Variants in MYCBP2 observed in about 807,000 individuals in gnomAD.
The protein encoded by MYCBP2 is E3 ubiquitin-protein ligase MYCBP2.
MYCBP2 carries 120 observed loss-of-function variants against 525.3 expected under a neutral mutation model. The ratio of observed to expected loss-of-function variants is 0.23; its 90% CI spans 0.20 to 0.27. The LOEUF is 0.27. MYCBP2 is among the 10% of genes least tolerant of loss of function. The pLI is 1.00. For missense variants in MYCBP2, 4,149 were observed against 5,657.1 expected (o/e 0.73, Z 8.55); for synonymous variants, 1,894 against 1,955.8 (o/e 0.97, Z 0.83).
chr13:77,125,150 T>C (rs2154165249), intron 54 of MYCBP2, among the ~76,000 whole-genome samples, 186 bp downstream of exon 54: 1 of 152,364 alleles, frequency 6.6e-6, no homozygotes, highest in East Asian at 1.9e-4. Context: ...TCTTCTTTAA[T>C]GTGCATTAAG....
intron 32 of MYCBP2, among the ~76,000 whole-genome samples, chr13:77,184,395 T>G (rs1411517046): frequency 2.0e-5 from 3 of 152,244 alleles, no homozygotes; most frequent in Non-Finnish European, 4.4e-5. Context: ...CATTTTATGG[T>G]CTAGCATATG....
In MYCBP2 at chr13:77,326,949, TCCC is replaced by T; in HGVS notation, c.-177_-175del. The stretch of plus-strand genomic sequence containing the variant: ...CTTCTCCTCCTCCTTCTTCTCCTCC[TCCC>T]CCCCGCGCCGCCCTCGCCGCTACTG... On this transcript the variant is annotated 5_prime_UTR_variant, in exon 1 of 83. Coordinates refer to ENST00000544440, the MANE Select transcript of MYCBP2 (RefSeq NM_015057.5). This position sits in a 1 kb window ranked among gnomAD's most constrained non-coding sequence, Gnocchi z 4.2. 1 of 521,618 alleles carries T rather than the reference TCCC, an allele frequency of 1.9e-6. No individual in the cohort carries two copies. The highest frequency in any genetic ancestry group is 3.0e-6 in the Non-Finnish European group (1 of 331,848). 32.3% of individuals were successfully genotyped at this position (521,618 alleles called of 1,614,324 possible).
At chr13:77,197,830 C>G (rs1217314749) in intron 26 of MYCBP2, among the ~76,000 whole-genome samples, 2 of 152,082 alleles carry the variant, frequency 1.3e-5, no homozygotes, top group South Asian at 4.1e-4. Context: ...AGGCCTTAGC[C>G]CACTCACTGG....
At chr13:77,296,360 T>A (rs549948930) in intron 2 of MYCBP2, among the ~76,000 whole-genome samples, 7 of 150,446 alleles carry the variant, frequency 4.7e-5, no homozygotes, top group African/African-American at 1.7e-4. Flanking sequence ...ACTACTGGAC[T>A]CCAGCCTGGG....
At chr13:77,144,921 C>T (rs1468948611) in intron 48 of MYCBP2, among the ~76,000 whole-genome samples, 1 of 152,186 alleles carries the variant, frequency 6.6e-6, no homozygotes, top group African/African-American at 2.4e-5. Flanking sequence ...TAGTCCCTCC[C>T]CTTGTGCTGT....
intron 26 of MYCBP2, among the ~76,000 whole-genome samples, chr13:77,196,499 G>C (rs1254826146): frequency 1.3e-5 from 2 of 152,210 alleles, no homozygotes; most frequent in East Asian, 1.9e-4. Flanking sequence ...AATGGCTGTG[G>C]CATGACCCAA....
chr13:77,174,210 CAATTT>C, intron 37 of MYCBP2, 96 bp downstream of exon 37: 2 of 1,023,300 alleles, frequency 2.0e-6, no homozygotes, highest in Non-Finnish European at 1.4e-6. Flanking sequence ...ATACACTGTA[CAATTT>C]AATTATAAGT....
chr13:77,227,343 T>TAAA (rs548646689), intron 18 of MYCBP2, among the ~76,000 whole-genome samples: 3 of 85,334 alleles, frequency 3.5e-5, no homozygotes, highest in Non-Finnish European at 7.6e-5. Flanking sequence ...ATGGATGGAC[T>TAAA]AAAAAAAAAA....
At chr13:77,295,876 C>G (rs948492761) in intron 2 of MYCBP2, among the ~76,000 whole-genome samples, 10 of 152,204 alleles carry the variant, frequency 6.6e-5, no homozygotes, top group Middle Eastern at 3.4e-3. Flanking sequence ...TACCAACAGT[C>G]AAAAGAGGCT....
intron 1 of MYCBP2, among the ~76,000 whole-genome samples, chr13:77,304,053 G>C (rs1053367514): frequency 2.1e-4 from 32 of 152,158 alleles, no homozygotes; most frequent in Non-Finnish European, 4.4e-5. Context: ...TACAACCATT[G>C]TGGAAAATAG....
chr13:77,219,520 G>A (rs955331111), intron 20 of MYCBP2, among the ~76,000 whole-genome samples: 1 of 151,646 alleles, frequency 6.6e-6, no homozygotes, highest in African/African-American at 2.4e-5. Context: ...AAATAAAGAC[G>A]CTAAAGACAA....
At chr13:77,119,905 T>C (rs2050394991) in intron 55 of MYCBP2, among the ~76,000 whole-genome samples, 1 of 152,206 alleles carries the variant, frequency 6.6e-6, no homozygotes, top group South Asian at 2.1e-4. Flanking sequence ...CATGCTATTT[T>C]TGAACGATAT....
Position 77,315,815 on chromosome 13 carries a change from A to G in MYCBP2, c.302+10659T>C, listed in dbSNP as rs2080860043. Among the ~76,000 whole-genome samples, 3 of 150,806 alleles carry G rather than the reference A, an allele frequency of 2.0e-5. No homozygotes were observed. In the South Asian group the frequency reaches 6.3e-4, roughly 32 times the overall value. On this transcript the variant is annotated intron_variant, in intron 1 of 82. Transcript: ENST00000544440. ...GAAGCTGAGGCAGGAGACTTGCTGG[A>G]TCCCGGGAGGCAGAGGCTTCAGTGA...
intron 3 of MYCBP2, among the ~76,000 whole-genome samples, chr13:77,283,968 G>C (rs1292783372): frequency 6.6e-6 from 1 of 152,162 alleles, no homozygotes; most frequent in East Asian, 1.9e-4. Context: ...AGAGGATGTA[G>C]ATTTTAGTGA....
In MYCBP2 at chr13:77,177,890, T is replaced by C. The variant is rs776865497; in HGVS notation, c.5198A>G (p.Gln1733Arg). 1 of 1,613,912 alleles carries C rather than the reference T, an allele frequency of 6.2e-7. No homozygotes were observed. Among genetic ancestry groups the C allele is most frequent in the Non-Finnish European group, 8.5e-7 (1 of 1,179,750 alleles). Reference protein sequence around the residue: ...ASANRFTKTSQGRSWNTGNGS... With the variant: ...ASANRFTKTSRGRSWNTGNGS... ...GTTCCCAGTGTTCCAACTTCTGCCCTGACTTGTTTTTGTAAATCGGTTAGC... is the reference window on the plus strand; with the variant it reads ...GTTCCCAGTGTTCCAACTTCTGCCCCGACTTGTTTTTGTAAATCGGTTAGC... Residue 1733 changes from glutamine to arginine, a missense_variant, in exon 35 of 83, where the codon CAG becomes CGG. This residue lies in a region of MYCBP2 where 54 missense variants were observed against 117.0 expected (regional missense o/e 0.46). Coordinates refer to ENST00000544440, the MANE Select transcript of MYCBP2 (RefSeq NM_015057.5).
intron 62 of MYCBP2, among the ~76,000 whole-genome samples, chr13:77,083,406 T>C (rs550640221): frequency 2.6e-4 from 39 of 152,270 alleles, no homozygotes; most frequent in African/African-American, 9.1e-4. Context: ...AAAATCAGCA[T>C]GCAAATGAAT....
intron 55 of MYCBP2, chr13:77,118,382 C>T (rs1202147112): frequency 2.6e-6 from 2 of 763,680 alleles, no homozygotes; most frequent in Non-Finnish European, 4.8e-6. Context: ...TGTCCGAACA[C>T]AAATGGGCTG....
At chr13:77,166,626 G>A (rs548219890) in intron 40 of MYCBP2, 72 bp from the exon 41 acceptor site, 6 of 889,848 alleles carry the variant, frequency 6.7e-6, no homozygotes, top group East Asian at 2.5e-5. Flanking sequence ...GCATCTGTAT[G>A]TGTGTGTGTG....
At chr13:77,167,724 A>G (rs1209327733) in intron 40 of MYCBP2, among the ~76,000 whole-genome samples, 2 of 152,226 alleles carry the variant, frequency 1.3e-5, no homozygotes, top group Non-Finnish European at 2.9e-5. Context: ...ATGTGCTTTA[A>G]AACAATATAG....
Sources: allele counts gnomAD v4.1 joint callset (sites outside exome capture counted in the v4.1 genomes callset), GRCh38; gene constraint gnomAD v4.1.1; regional missense constraint gnomAD v4.1.1; non-coding constraint Gnocchi (gnomAD v3.1); transcripts MANE v1.5; gene names NCBI Gene and HGNC (gene_info 2026-07-23, HGNC 2026-07-21).